Variants in SIL1 observed in about 807,000 individuals in gnomAD.
SIL1 encodes SIL1 nucleotide exchange factor, also known as nucleotide exchange factor SIL1.
Under a neutral mutation model 49.1 loss-of-function variants are expected in SIL1, and 40 were observed. That is an observed-to-expected ratio of 0.81 (90% CI 0.63 to 1.06). SIL1 has a LOEUF of 1.06. SIL1 is among the 50% of genes least tolerant of loss of function. SIL1 has a pLI of 0.00. For missense variants in SIL1, 500 were observed against 572.6 expected, an observed-to-expected ratio of 0.87 and a Z score of 1.29; for synonymous variants, 253 against 250.8, an observed-to-expected ratio of 1.01 and a Z score of -0.08.
At position 139,127,724 on chromosome 5, in the gene SIL1, A is replaced by G; in HGVS notation, c.105+15T>C. On this transcript the variant is annotated intron_variant, in intron 2 of 9. Coordinates refer to ENST00000394817, the MANE Select transcript of SIL1 (RefSeq NM_022464.5). Reference sequence around the variant, plus strand: ...CTCATCAAGGGTCCCTCCCATTTACAATAAAGATATTTACCAGGTTCTGAT... The same window carrying G: ...CTCATCAAGGGTCCCTCCCATTTACGATAAAGATATTTACCAGGTTCTGAT... The G allele has an allele frequency of 1.9e-6, 3 of 1,600,626 alleles. No individual in the cohort carries two copies. The highest frequency in any genetic ancestry group is 1.1e-5 in the South Asian group (1 of 88,990).
chr5:139,195,401 T>C (rs1412468071), intron 1 of SIL1, among the ~76,000 whole-genome samples: 1 of 152,174 alleles, frequency 6.6e-6, no homozygotes, highest in Non-Finnish European at 1.5e-5. Flanking sequence ...TGTTTTGTTT[T>C]GTTTTGAGAC....
intron 3 of SIL1, among the ~76,000 whole-genome samples, chr5:139,106,971 G>A (rs536052717): frequency 2.4e-4 from 36 of 152,348 alleles, no homozygotes; most frequent in Non-Finnish European, 4.4e-4. Flanking sequence ...TGGTGCTTAG[G>A]TAGGATAAAA....
chr5:139,171,408 C>A (rs968258331), intron 1 of SIL1, among the ~76,000 whole-genome samples: 9 of 152,188 alleles, frequency 5.9e-5, no homozygotes, highest in African/African-American at 1.7e-4. Flanking sequence ...TACCCCCAAC[C>A]CTGTGCTCTC....
chr5:138,987,306 T>C (rs1767668381), intron 7 of SIL1, among the ~76,000 whole-genome samples: 1 of 151,454 alleles, frequency 6.6e-6, no homozygotes, highest in Admixed American at 6.6e-5. Context: ...ACAGATGGGG[T>C]TTCACCATGT....
intron 1 of SIL1, among the ~76,000 whole-genome samples, chr5:139,147,304 C>T (rs1751212529): frequency 6.6e-6 from 1 of 152,186 alleles, no homozygotes; most frequent in Non-Finnish European, 1.5e-5. Context: ...GAACCCTACC[C>T]TGAGACACTC....
intron 3 of SIL1, among the ~76,000 whole-genome samples, chr5:139,097,938 T>A (rs1016315690): frequency 2.0e-5 from 3 of 152,022 alleles, no homozygotes; most frequent in African/African-American, 7.2e-5. Flanking sequence ...ATGAATGAAA[T>A]GGAAAAGGAC....
intron 7 of SIL1, among the ~76,000 whole-genome samples, chr5:139,009,013 T>G (rs1315104027): frequency 6.6e-5 from 10 of 150,912 alleles, no homozygotes. Context: ...TTCCTGGGTA[T>G]CCTTGTTGAC....
intron 1 of SIL1, among the ~76,000 whole-genome samples, chr5:139,158,619 T>C (rs530270712): frequency 5.6e-4 from 84 of 149,494 alleles, no homozygotes; most frequent in Admixed American, 1.1e-3. Flanking sequence ...ATGAGGGAAA[T>C]AATGGAGAGT....
Position 139,027,014 on chromosome 5 carries a change from T to C in SIL1, c.454-22A>G, listed in dbSNP as rs759137244. On this transcript the variant is annotated intron_variant, in intron 5 of 9. Coordinates refer to ENST00000394817, the MANE Select transcript of SIL1 (RefSeq NM_022464.5). ...TTGCCTAAGGAGAGCAGCAAAGAGG[T>C]GATTAAATTGGTTGGAGACATCTGC... 6.2e-6 allele frequency: 10 copies of C among 1,613,460 alleles called. No individual in the cohort carries two copies. In the South Asian group the frequency reaches 1.1e-4, roughly 18 times the overall value.
intron 9 of SIL1, among the ~76,000 whole-genome samples, chr5:138,950,953 ACTC>A (rs1429381398): frequency 5.3e-5 from 8 of 150,690 alleles, no homozygotes; most frequent in African/African-American, 2.0e-4. Context: ...GCCACCTCCC[ACTC>A]CTCATCAGCC....
chr5:139,088,049 T>C (rs1161160942), intron 3 of SIL1, among the ~76,000 whole-genome samples: 1 of 152,180 alleles, frequency 6.6e-6, no homozygotes, highest in Non-Finnish European at 1.5e-5. Context: ...TGCTCCAGGT[T>C]CTATCCTTTG....
Position 139,138,144 on chromosome 5 carries a change from T to TAC in SIL1, c.-10-10293_-10-10292dup, listed in dbSNP as rs4031712. ...CCAGTGCCAGGCACACACACACATA[T>TAC]ACACACACACACACACACAAACCAC... On this transcript the variant is annotated intron_variant, in intron 1 of 9. Coordinates refer to ENST00000394817, the MANE Select transcript of SIL1 (RefSeq NM_022464.5). 1.5e-3 allele frequency among the ~76,000 whole-genome samples: 227 copies of TAC among 150,014 alleles called. 1 individual carries two copies. Among genetic ancestry groups the TAC allele is most frequent in the Admixed American group, 4.1e-3 (61 of 15,052 alleles).
intron 1 of SIL1, among the ~76,000 whole-genome samples, chr5:139,136,090 C>T (rs1441191395): frequency 6.6e-6 from 1 of 151,960 alleles, no homozygotes; most frequent in Non-Finnish European, 1.5e-5. Context: ...AAAGAAATCA[C>T]ATGACAAGCA....
intron 1 of SIL1, among the ~76,000 whole-genome samples, chr5:139,191,324 A>T (rs537883987): frequency 6.6e-6 from 1 of 152,152 alleles, no homozygotes; most frequent in South Asian, 2.1e-4. Context: ...ACAGCACTCA[A>T]AGCATGGCCA....
chr5:138,964,024 T>C (rs1767082104), intron 7 of SIL1, among the ~76,000 whole-genome samples: 1 of 152,208 alleles, frequency 6.6e-6, no homozygotes, highest in Non-Finnish European at 1.5e-5. Context: ...CTGACCTTGC[T>C]CAAGGCCCTT....
At chr5:139,080,111 T>C (rs1310608054) in intron 3 of SIL1, among the ~76,000 whole-genome samples, 1 of 152,198 alleles carries the variant, frequency 6.6e-6, no homozygotes, top group Non-Finnish European at 1.5e-5. Context: ...AGACCGTGAA[T>C]GATGTATTTT....
intron 3 of SIL1, among the ~76,000 whole-genome samples, chr5:139,087,171 C>G (rs974362832): frequency 5.9e-5 from 9 of 151,944 alleles, no homozygotes; most frequent in Non-Finnish European, 1.3e-4. Context: ...ATACTCCACT[C>G]TTCAGGCCAA....
chr5:139,118,198 G>C (rs1179112005), intron 3 of SIL1, among the ~76,000 whole-genome samples: 3 of 152,306 alleles, frequency 2.0e-5, no homozygotes, highest in Middle Eastern at 6.8e-3. Context: ...TTGAGGGAGA[G>C]AGGACATTTC....
At chr5:138,960,653 G>A (rs1767000698) in intron 7 of SIL1, among the ~76,000 whole-genome samples, 1 of 152,020 alleles carries the variant, frequency 6.6e-6, no homozygotes, top group African/African-American at 2.4e-5. Context: ...AGAAGGTTTT[G>A]CCATGTTGGC....
Sources: gnomAD v4.1 joint callset for allele counts (sites outside exome capture counted in the v4.1 genomes callset) on GRCh38, gnomAD v4.1.1 for gene constraint, MANE v1.5 for transcripts, NCBI Gene and HGNC (gene_info 2026-07-23, HGNC 2026-07-21) for gene names.